Variants in ATXN2 observed in about 807,000 individuals in gnomAD.
ATXN2 encodes the protein ataxin 2, also known as ataxin-2.
In ATXN2, 37 loss-of-function variants were observed where a neutral mutation model predicts 138.6. The observed-to-expected ratio is 0.27, with a 90% CI of 0.21 to 0.35. ATXN2 has a LOEUF of 0.35. ATXN2 is among the 10% of genes least tolerant of loss of function. ATXN2 has a pLI of 1.00. For synonymous variants in ATXN2, 549 were observed against 543.7 expected (o/e 1.01, Z -0.13); for missense variants, 1,216 against 1,480.3 (o/e 0.82, Z 2.93).
At chr12:111,558,134 A>G (rs1404847917) in intron 1 of ATXN2, among the ~76,000 whole-genome samples, 1 of 152,236 alleles carries the variant, frequency 6.6e-6, no homozygotes, top group East Asian at 1.9e-4. Flanking sequence ...ACAGTACAGT[A>G]AAGTGCAGAA....
chr12:111,506,530 A>G (rs972500364), intron 14 of ATXN2, among the ~76,000 whole-genome samples: 2 of 152,166 alleles, frequency 1.3e-5, no homozygotes, highest in African/African-American at 4.8e-5. Context: ...ATCCAAGTGT[A>G]GTATAAGAGG....
rs186603286 is a variant in ATXN2 at position 111,563,885 on chromosome 12, T to A, written c.252-7966A>T. 1.7e-3 allele frequency among the ~76,000 whole-genome samples: 264 copies of A among 152,312 alleles called. 1 individual carries two copies. The highest frequency in any genetic ancestry group is 6.1e-3 in the African/African-American group (252 of 41,580). On this transcript the variant is annotated intron_variant, in intron 1 of 24. Transcript: ENST00000673436. ...TCGATTATCTCAATCAAATATACGA[T>A]GCTGTTTTCAACTCTCCAGTTTAGA...
chr12:111,579,193 T>C (rs1240454977), intron 1 of ATXN2, among the ~76,000 whole-genome samples: 3 of 152,206 alleles, frequency 2.0e-5, no homozygotes, highest in Admixed American at 6.5e-5. Flanking sequence ...CTCATTTCTA[T>C]GCATTCCAAC....
chr12:111,476,725 C>T (rs184064558), intron 18 of ATXN2, among the ~76,000 whole-genome samples: 1 of 152,258 alleles, frequency 6.6e-6, no homozygotes, highest in Non-Finnish European at 1.5e-5. Context: ...CTAGAAAACA[C>T]TGGTGAAACT....
chr12:111,559,766 A>G (rs1437381954), intron 1 of ATXN2, among the ~76,000 whole-genome samples: 1 of 143,476 alleles, frequency 7.0e-6, no homozygotes, highest in Admixed American at 6.8e-5. Flanking sequence ...GAGCAAGACT[A>G]TCTCAAAAAA....
chr12:111,509,493 T>C, intron 14 of ATXN2, 56 bp downstream of exon 14: 3 of 974,764 alleles, frequency 3.1e-6, no homozygotes, highest in South Asian at 2.9e-5. Flanking sequence ...AATAGATAAA[T>C]CTTTAGTAAT....
At chr12:111,464,335 T>TTGTGTTTGTG (rs1555229780) in intron 21 of ATXN2, among the ~76,000 whole-genome samples, 3 of 105,784 alleles carry the variant, frequency 2.8e-5, no homozygotes, top group Admixed American at 9.0e-5. Context: ...GTGTGTGTGT[T>TTGTGTTTGTG]TGTGTGTGTG....
rs752406937 is a variant in ATXN2, at chr12:111,453,873, C to T, written c.3271-28G>A. On this transcript the variant is annotated intron_variant, in intron 23 of 24. Coordinates refer to ENST00000673436, the MANE Select transcript of ATXN2 (RefSeq NM_001372574.1). The surrounding 1 kb of genome is among the most constrained non-coding windows in gnomAD (Gnocchi z 5.4). ...GAAACAGAGAGCTCTTTTACGCATA[C>T]AGGCAACATCTCCGGCTTCAACAAC... The T allele has an allele frequency of 2.7e-5, 42 of 1,578,606 alleles. No homozygotes were observed. The highest frequency in any genetic ancestry group is 1.9e-4 in the Admixed American group (11 of 56,446).
chr12:111,473,721 C>T (rs980362793), intron 18 of ATXN2, among the ~76,000 whole-genome samples: 1 of 151,300 alleles, frequency 6.6e-6, no homozygotes, highest in Non-Finnish European at 1.5e-5. Flanking sequence ...AGACTGATTA[C>T]ATGACTCCTC....
At chr12:111,507,321 G>A (rs1333002298) in intron 14 of ATXN2, among the ~76,000 whole-genome samples, 42 of 149,404 alleles carry the variant, frequency 2.8e-4, no homozygotes, top group African/African-American at 1.0e-3. Flanking sequence ...CCGCGACCCC[G>A]TCTGGGAGGT....
intron 1 of ATXN2, among the ~76,000 whole-genome samples, chr12:111,562,027 G>A (rs1882717934): frequency 6.6e-6 from 1 of 151,674 alleles, no homozygotes; most frequent in South Asian, 2.1e-4. Context: ...TAGCCAGGAT[G>A]GTCTCGATCT....
chr12:111,499,969 T>C (rs1424767382), intron 14 of ATXN2, among the ~76,000 whole-genome samples: 2 of 152,326 alleles, frequency 1.3e-5, no homozygotes, highest in Non-Finnish European at 2.9e-5. Context: ...TAACAAATGC[T>C]GGTAACGATG....
intron 1 of ATXN2, among the ~76,000 whole-genome samples, chr12:111,583,766 CAAA>C (rs748838859): frequency 2.1e-4 from 12 of 58,120 alleles, no homozygotes; most frequent in African/African-American, 7.7e-4. Flanking sequence ...GACTCCGACT[CAAA>C]AAAAAAAAAA....
intron 5 of ATXN2, among the ~76,000 whole-genome samples, chr12:111,536,815 A>T (rs1881209557): frequency 8.6e-6 from 1 of 116,730 alleles, no homozygotes; most frequent in Non-Finnish European, 1.6e-5. Context: ...ATGAAGTTTC[A>T]CTCTGTCACC....
At chr12:111,546,586 T>C (rs879908085) in intron 5 of ATXN2, among the ~76,000 whole-genome samples, 2 of 151,762 alleles carry the variant, frequency 1.3e-5, no homozygotes, top group East Asian at 1.9e-4. Context: ...AGTAAAGCCA[T>C]AGTTGAGTTG....
At chr12:111,596,620 T>C (rs1884954703) in intron 1 of ATXN2, among the ~76,000 whole-genome samples, 1 of 152,166 alleles carries the variant, frequency 6.6e-6, no homozygotes. Flanking sequence ...ATTCTACAAG[T>C]ACATTAACGA....
At chr12:111,576,129 A>C (rs1305707657) in intron 1 of ATXN2, among the ~76,000 whole-genome samples, 6 of 130,704 alleles carry the variant, frequency 4.6e-5, no homozygotes, top group Non-Finnish European at 8.0e-5. Flanking sequence ...ACATAACATA[A>C]CATAACATCA....
rs1885056085 is a variant in ATXN2, at chr12:111,598,559, G to A, written c.251+225C>T. 2 of 984,168 alleles carry A rather than the reference G, an allele frequency of 2.0e-6. No individual in the cohort carries two copies. Among genetic ancestry groups the A allele is most frequent in the Non-Finnish European group, 1.2e-6 (1 of 829,048 alleles). 61.0% of individuals were successfully genotyped at this position (984,168 alleles called of 1,614,324 possible). A position where few individuals can be genotyped will look rare whatever the true frequency, so the allele number is the denominator to read the frequency against. On this transcript the variant is annotated intron_variant, in intron 1 of 24. Coordinates refer to ENST00000673436, the MANE Select transcript of ATXN2 (RefSeq NM_001372574.1). The surrounding 1 kb of genome is among the most constrained non-coding windows in gnomAD (Gnocchi z 4.5). The stretch of plus-strand genomic sequence containing the variant: ...TCCATCTTGACCGCCGGGGGAGGGG[G>A]CGGGGATGCTGCGGGAGGCTGGACA...
intron 10 of ATXN2, 96 bp from the exon 11 acceptor site, chr12:111,513,635 A>C: frequency 1.0e-6 from 1 of 988,116 alleles, no homozygotes; most frequent in Non-Finnish European, 1.4e-6. Flanking sequence ...ATGCACACAC[A>C]CTCACTCACT....
Sources: allele counts gnomAD v4.1 joint callset (sites outside exome capture counted in the v4.1 genomes callset), GRCh38; gene constraint gnomAD v4.1.1; non-coding constraint Gnocchi (gnomAD v3.1); transcripts MANE v1.5; gene names NCBI Gene and HGNC (gene_info 2026-07-23, HGNC 2026-07-21).